TMEM178B: variants seen among roughly 807,000 people sequenced by gnomAD.
TMEM178B encodes transmembrane protein 178B.
In TMEM178B, 5 loss-of-function variants were observed where a neutral mutation model predicts 31.0. That is an observed-to-expected ratio of 0.16 (90% CI 0.08 to 0.34). The LOEUF (loss-of-function observed/expected upper bound fraction) is 0.34. Among genes scored for constraint, TMEM178B ranks in the 10% least tolerant of loss-of-function variants. The pLI is 1.00. For synonymous variants in TMEM178B, 164 were observed against 164.0 expected (o/e 1.00, Z 0.00); for missense variants, 275 against 400.3 (o/e 0.69, Z 2.67).
At position 141,108,358 on chromosome 7, in the gene TMEM178B, T is replaced by C. The variant is rs192225186; in HGVS notation, c.382+33666T>C. On this transcript the variant is annotated intron_variant, in intron 1 of 3. Coordinates refer to ENST00000565468, the MANE Select transcript of TMEM178B (RefSeq NM_001195278.2). ...GGGAGAATCGTTAGAGTGATGTTAT[T>C]GAATAAGCACAAGGAGATGGAACCC... 2.3e-3 allele frequency among the ~76,000 whole-genome samples: 347 copies of C among 152,244 alleles called. 4 individuals carry two copies. Among genetic ancestry groups the C allele is most frequent in the African/African-American group, 8.1e-3 (336 of 41,554 alleles).
At chr7:141,348,916 T>C (rs1439647960) in intron 2 of TMEM178B, among the ~76,000 whole-genome samples, 1 of 152,088 alleles carries the variant, frequency 6.6e-6, no homozygotes. Flanking sequence ...CATGACAGAG[T>C]GACTGGCGGG....
chr7:141,440,134 G>A (rs968247036), intron 3 of TMEM178B, among the ~76,000 whole-genome samples: 1 of 152,218 alleles, frequency 6.6e-6, no homozygotes, highest in Non-Finnish European at 1.5e-5. Context: ...GGGGCAGTGA[G>A]GGATATGATT....
At chr7:141,439,343 G>A (rs1298170892) in intron 3 of TMEM178B, among the ~76,000 whole-genome samples, 1 of 152,094 alleles carries the variant, frequency 6.6e-6, no homozygotes, top group Non-Finnish European at 1.5e-5. Context: ...GGTTATGGCA[G>A]AGGCTGGGGG....
chr7:141,098,695 A>G (rs2129173270), intron 1 of TMEM178B, among the ~76,000 whole-genome samples: 1 of 152,376 alleles, frequency 6.6e-6, no homozygotes, highest in African/African-American at 2.4e-5. Flanking sequence ...ATAGAATAGT[A>G]CCTGGCACAT....
At chr7:141,174,261 C>T (rs567803482) in intron 1 of TMEM178B, among the ~76,000 whole-genome samples, 23 of 152,208 alleles carry the variant, frequency 1.5e-4, no homozygotes, top group African/African-American at 4.8e-4. Context: ...TGGTTTCCAG[C>T]GTCATCCATG....
chr7:141,262,602 C>G (rs957598551), intron 2 of TMEM178B, among the ~76,000 whole-genome samples: 7 of 151,562 alleles, frequency 4.6e-5, no homozygotes, highest in Non-Finnish European at 1.0e-4. Flanking sequence ...TATGATTCAG[C>G]TGGCAATTTG....
intron 2 of TMEM178B, among the ~76,000 whole-genome samples, chr7:141,397,796 G>A (rs189914169): frequency 6.6e-6 from 1 of 152,312 alleles, no homozygotes; most frequent in African/African-American, 2.4e-5. Context: ...TTCCTCATGT[G>A]TAATGACAAG....
intron 2 of TMEM178B, among the ~76,000 whole-genome samples, chr7:141,379,612 C>T (rs930539475): frequency 2.0e-5 from 3 of 152,164 alleles, no homozygotes; most frequent in Admixed American, 6.5e-5. Context: ...GCTGGTTTCC[C>T]GCAACTTTGC....
chr7:141,098,414 T>C (rs1392771563), intron 1 of TMEM178B, among the ~76,000 whole-genome samples: 3 of 152,224 alleles, frequency 2.0e-5, no homozygotes, highest in Non-Finnish European at 4.4e-5. Flanking sequence ...ATTTTTTGTC[T>C]TAACCCAATT....
intron 2 of TMEM178B, among the ~76,000 whole-genome samples, chr7:141,364,779 T>C (rs1181966762): frequency 1.3e-5 from 2 of 151,126 alleles, no homozygotes; most frequent in East Asian, 3.9e-4. Context: ...AAAGCAGCCC[T>C]GTAAGAGTAA....
chr7:141,197,512 G>A (rs1374669731), intron 1 of TMEM178B, among the ~76,000 whole-genome samples: 1 of 152,214 alleles, frequency 6.6e-6, no homozygotes, highest in Non-Finnish European at 1.5e-5. Flanking sequence ...ATCTAGCCAA[G>A]CCATTTAACT....
chr7:141,219,811 C>G (rs1285538523), intron 2 of TMEM178B, among the ~76,000 whole-genome samples: 1 of 152,176 alleles, frequency 6.6e-6, no homozygotes, highest in African/African-American at 2.4e-5. Flanking sequence ...TCCTTTCCCT[C>G]TCAGCTTTCC....
intron 1 of TMEM178B, among the ~76,000 whole-genome samples, chr7:141,149,485 T>A (rs1437831189): frequency 6.6e-6 from 1 of 152,028 alleles, no homozygotes. Context: ...GAGGTGGAGG[T>A]TGCAGTGAGC....
chr7:141,258,500 G>A (rs988042436), intron 2 of TMEM178B, among the ~76,000 whole-genome samples: 2 of 152,130 alleles, frequency 1.3e-5, no homozygotes, highest in Non-Finnish European at 2.9e-5. Flanking sequence ...TGCATTAAGG[G>A]CAGAAAAGAA....
chr7:141,289,714 CAAAAAA>C (rs35000633), intron 2 of TMEM178B, among the ~76,000 whole-genome samples: 1 of 92,384 alleles, frequency 1.1e-5, no homozygotes, highest in African/African-American at 4.3e-5. Context: ...GACCCTGTCT[CAAAAAA>C]AAAAAAAAAA....
intron 2 of TMEM178B, among the ~76,000 whole-genome samples, chr7:141,432,984 C>T (rs1563181233): frequency 6.6e-6 from 1 of 152,204 alleles, no homozygotes; most frequent in Non-Finnish European, 1.5e-5. Context: ...AAAGCCCTGG[C>T]AGCAGGTCTG....
At chr7:141,269,575 T>C (rs1368772282) in intron 2 of TMEM178B, among the ~76,000 whole-genome samples, 2 of 152,206 alleles carry the variant, frequency 1.3e-5, no homozygotes, top group Non-Finnish European at 2.9e-5. Flanking sequence ...TGTTGAGAAA[T>C]GAAGCTTATA....
At chr7:141,104,540 G>T (rs1174025332) in intron 1 of TMEM178B, among the ~76,000 whole-genome samples, 1 of 152,192 alleles carries the variant, frequency 6.6e-6, no homozygotes, top group East Asian at 1.9e-4. Context: ...AGCTACCTCT[G>T]CTGCTTTCTA....
intron 2 of TMEM178B, among the ~76,000 whole-genome samples, chr7:141,394,637 G>A (rs774299477): frequency 1.3e-5 from 2 of 152,100 alleles, no homozygotes; most frequent in South Asian, 2.1e-4. Flanking sequence ...TGGTATCTCC[G>A]ACCCAGGGAT....
Sources: gnomAD v4.1 joint callset for allele counts (sites outside exome capture counted in the v4.1 genomes callset) on GRCh38, gnomAD v4.1.1 for gene constraint, MANE v1.5 for transcripts, NCBI Gene and HGNC (gene_info 2026-07-23, HGNC 2026-07-21) for gene names.